NFU1: variants seen among roughly 807,000 people sequenced by gnomAD.
The protein encoded by NFU1 is NFU1 iron-sulfur cluster scaffold, also known as NFU1 iron-sulfur cluster scaffold homolog, mitochondrial.
A neutral mutation model predicts 32.2 loss-of-function variants in NFU1; 30 were observed. The observed-to-expected ratio is 0.93, with a 90% CI of 0.70 to 1.26. NFU1 has a LOEUF of 1.26. NFU1 is among the 50% of genes most tolerant of loss of function. The probability of loss-of-function intolerance (pLI) is 0.00; values close to 1 mark genes in which losing one functional copy is unlikely to be tolerated. For synonymous variants in NFU1, 112 were observed against 104.6 expected, an observed-to-expected ratio of 1.07 and a Z score of -0.43; for missense variants, 306 against 306.6, an observed-to-expected ratio of 1.00 and a Z score of 0.02.
chr2:69,413,995 C>G (rs1021358642), intron 5 of NFU1, among the ~76,000 whole-genome samples: 1 of 141,696 alleles, frequency 7.1e-6, no homozygotes, highest in Non-Finnish European at 1.5e-5. Flanking sequence ...TGCAGTGAGC[C>G]GAGATCACGC....
chr2:69,438,077 G>A (rs1468857497), upstream of NFU1, among the ~76,000 whole-genome samples: 2 of 152,230 alleles, frequency 1.3e-5, no homozygotes, highest in East Asian at 1.9e-4. Context: ...CCTTCCTGGA[G>A]TATTCCGTTT....
chr2:69,434,632 C>T (rs1014467242), intron 1 of NFU1, among the ~76,000 whole-genome samples: 11 of 152,202 alleles, frequency 7.2e-5, no homozygotes, highest in African/African-American at 2.7e-4. Flanking sequence ...AAAATATCAT[C>T]GCTATCCATT....
At chr2:69,423,749 A>G in intron 2 of NFU1, 32 bp from the exon 3 acceptor site, 1 of 1,500,822 alleles carries the variant, frequency 6.7e-7, no homozygotes, top group South Asian at 1.1e-5. Context: ...ATGTTATTCT[A>G]GAAAAAACAG....
chr2:69,400,302 T>C, intron 7 of NFU1, 62 bp downstream of exon 7: 1 of 1,425,496 alleles, frequency 7.0e-7, no homozygotes, highest in Non-Finnish European at 9.9e-7. Context: ...TTCCAGCCTT[T>C]GTATCTACAA....
chr2:69,424,198 A>AAAAAAAAAAATATTTATATATATAT (rs1558840147), intron 2 of NFU1, among the ~76,000 whole-genome samples: 1 of 74,544 alleles, frequency 1.3e-5, no homozygotes, highest in African/African-American at 5.3e-5. Context: ...AAAAAAAAAA[A>AAAAAAAAAAATATTTATATATATAT]ATATATATAT....
chr2:69,407,582 C>T (rs908264773), intron 5 of NFU1, among the ~76,000 whole-genome samples: 4 of 146,164 alleles, frequency 2.7e-5, no homozygotes, highest in African/African-American at 5.1e-5. Flanking sequence ...TAGGCTGACA[C>T]GAGAATCACT....
intron 2 of NFU1, among the ~76,000 whole-genome samples, chr2:69,425,270 C>T (rs1458442319): frequency 1.3e-5 from 2 of 152,130 alleles, no homozygotes; most frequent in Non-Finnish European, 2.9e-5. Context: ...AGCCTTCCAC[C>T]TTGGCCTCCC....
chr2:69,404,615 A>ATATTTTTTTTTTTTTTTTTT (rs1426118283), intron 6 of NFU1, among the ~76,000 whole-genome samples: 44 of 73,008 alleles, frequency 6.0e-4, no homozygotes, highest in South Asian at 2.1e-3. Flanking sequence ...ATCTTAGCAA[A>ATATTTTTTTTTTTTTTTTTT]TTTTTTTTTT....
At chr2:69,408,548 CG>C (rs1238997978) in intron 5 of NFU1, among the ~76,000 whole-genome samples, 2 of 151,672 alleles carry the variant, frequency 1.3e-5, no homozygotes, top group African/African-American at 4.8e-5. Flanking sequence ...GGTGAAATCC[CG>C]TCTCTACTAA....
At chr2:69,423,436 C>A in intron 3 of NFU1, 146 bp downstream of exon 3, 1 of 688,924 alleles carries the variant, frequency 1.5e-6, no homozygotes, top group East Asian at 2.8e-5. Flanking sequence ...TTTTTTTAAT[C>A]TCTCATCTGA....
At position 69,423,585 on chromosome 2, in the gene NFU1, G is replaced by C. The variant is rs139171264; in HGVS notation, c.299C>G (p.Ala100Gly). The C allele has an allele frequency of 1.5e-4, 242 of 1,613,244 alleles. No individual in the cohort carries two copies. The highest frequency in any genetic ancestry group is 2.0e-4 in the Non-Finnish European group (236 of 1,179,878). Reference sequence around the variant, plus strand: ...GCAAATGAAAACAGTAATATACCTAGCCAGAGGGGAGCGAAATGCTGCAGC... The same window carrying C: ...GCAAATGAAAACAGTAATATACCTACCCAGAGGGGAGCGAAATGCTGCAGC... ...TPAAAFRSPL[A>G]RQLFRIEGVK... The change falls in exon 3 of 8, where the codon GCT (alanine) becomes GGT (glycine). Residue 100 changes from alanine to glycine, a missense_variant. Transcript: ENST00000410022.
At chr2:69,432,093 A>C (rs1485922695) in intron 1 of NFU1, 88 bp from the exon 2 acceptor site, 1 of 827,122 alleles carries the variant, frequency 1.2e-6, no homozygotes, top group African/African-American at 1.7e-5. Flanking sequence ...AAAAAGACCT[A>C]TGTAAAATTT....
intron 6 of NFU1, among the ~76,000 whole-genome samples, chr2:69,402,696 C>T (rs1033887985): frequency 6.6e-6 from 1 of 152,090 alleles, no homozygotes; most frequent in Non-Finnish European, 1.5e-5. Context: ...ATTCTCCTGC[C>T]TCAGCCTCCC....
intron 5 of NFU1, among the ~76,000 whole-genome samples, chr2:69,409,370 CT>C (rs1300413205): frequency 1.3e-5 from 2 of 151,942 alleles, no homozygotes; most frequent in African/African-American, 4.8e-5. Flanking sequence ...CTTTTAACTG[CT>C]GGTATAGTTA....
intron 3 of NFU1, among the ~76,000 whole-genome samples, chr2:69,420,890 C>T (rs890850307): frequency 2.0e-5 from 3 of 152,132 alleles, no homozygotes; most frequent in African/African-American, 7.2e-5. Flanking sequence ...CATACACACA[C>T]ATAATGTAAA....
At chr2:69,410,910 A>G (rs1019779569) in intron 5 of NFU1, 1 of 152,204 alleles carries the variant, frequency 6.6e-6, no homozygotes, top group African/African-American at 2.4e-5. Context: ...TAAATTTACA[A>G]GGAAGAATAA....
At chr2:69,437,604 C>A, upstream of NFU1, 1 of 733,596 alleles carries the variant, frequency 1.4e-6, no homozygotes. Context: ...TCACCCTGAC[C>A]AAGAGAGGCC....
chr2:69,423,524 C>A, intron 3 of NFU1, 58 bp downstream of exon 3: 1 of 1,531,246 alleles, frequency 6.5e-7, no homozygotes, highest in Non-Finnish European at 9.0e-7. Flanking sequence ...TGTCTTAACC[C>A]CAAAGTCAGT....
chr2:69,396,346 G>T (rs1180275154), intron 7 of NFU1, 56 bp from the exon 8 acceptor site: 2 of 1,368,512 alleles, frequency 1.5e-6, no homozygotes, highest in East Asian at 2.3e-5. Context: ...AGATTTTGCT[G>T]TTTTCCTGAT....
Sources: gnomAD v4.1 joint callset for allele counts (sites outside exome capture counted in the v4.1 genomes callset) on GRCh38, gnomAD v4.1.1 for gene constraint, MANE v1.5 for transcripts, NCBI Gene and HGNC (gene_info 2026-07-23, HGNC 2026-07-21) for gene names.